The following DIP2C variants were observed in gnomAD, a reference collection of about 807,000 sequenced individuals.
DIP2C encodes disco-interacting protein 2 homolog C.
A neutral mutation model predicts 192.4 loss-of-function variants in DIP2C; 33 were observed. The ratio of observed to expected loss-of-function variants is 0.17; its 90% CI spans 0.13 to 0.23. The LOEUF (loss-of-function observed/expected upper bound fraction) is 0.23. DIP2C is among the 10% of genes least tolerant of loss of function. The pLI is 1.00. For missense variants in DIP2C, 1,537 were observed against 2,110.1 expected, an observed-to-expected ratio of 0.73 and a Z score of 5.32; for synonymous variants, 979 against 864.1, an observed-to-expected ratio of 1.13 and a Z score of -2.33.
chr10:542,518 G>A (rs72774553), intron 1 of DIP2C, among the ~76,000 whole-genome samples: 1,921 of 152,306 alleles, frequency 0.013, 34 homozygotes, highest in African/African-American at 0.038. Flanking sequence ...CACTACGGCC[G>A]ACAGCCCAGG....
chr10:392,735 C>T (rs1001810620), intron 10 of DIP2C, among the ~76,000 whole-genome samples: 5 of 94,092 alleles, frequency 5.3e-5, no homozygotes, highest in Non-Finnish European at 9.5e-5. Context: ...CAGGTACACA[C>T]GCGCACACAC....
intron 1 of DIP2C, among the ~76,000 whole-genome samples, chr10:569,490 GCTCAAA>G (rs2131514963): frequency 6.6e-6 from 1 of 152,258 alleles, no homozygotes; most frequent in East Asian, 1.9e-4. Context: ...AAATGAACTA[GCTCAAA>G]CTCAAACGCA....
At chr10:456,678 C>A (rs922408931) in intron 3 of DIP2C, among the ~76,000 whole-genome samples, 2 of 152,208 alleles carry the variant, frequency 1.3e-5, no homozygotes, top group African/African-American at 2.4e-5. Flanking sequence ...TTCCACCTGT[C>A]CACGGCCACC....
chr10:320,929 G>A (rs931572257), intron 31 of DIP2C, among the ~76,000 whole-genome samples: 9 of 152,220 alleles, frequency 5.9e-5, no homozygotes, highest in Non-Finnish European at 1.2e-4. Flanking sequence ...GACAGAGTTC[G>A]AGAAGGCCCC....
At chr10:359,296 T>G (rs1320684106) in intron 22 of DIP2C, among the ~76,000 whole-genome samples, 2 of 152,198 alleles carry the variant, frequency 1.3e-5, no homozygotes, top group Admixed American at 1.3e-4. Flanking sequence ...GGCCATCCTT[T>G]TCAAATGCAG....
intron 1 of DIP2C, among the ~76,000 whole-genome samples, chr10:673,016 A>C (rs936461793): frequency 6.6e-6 from 1 of 152,248 alleles, no homozygotes; most frequent in Non-Finnish European, 1.5e-5. Flanking sequence ...GTTCCCAGCT[A>C]AGGAAATGTG....
intron 29 of DIP2C, among the ~76,000 whole-genome samples, chr10:335,171 A>C (rs1158092586): frequency 6.6e-6 from 1 of 152,220 alleles, no homozygotes; most frequent in African/African-American, 2.4e-5. Flanking sequence ...ACAATCCTCT[A>C]TGACAGAAGA....
intron 10 of DIP2C, among the ~76,000 whole-genome samples, chr10:395,874 G>A (rs548109511): frequency 5.9e-5 from 9 of 152,262 alleles, no homozygotes; most frequent in South Asian, 4.2e-4. Context: ...ACCTCCCAGC[G>A]TGAGAAGTCC....
chr10:376,458 C>A (rs527835630), intron 17 of DIP2C, among the ~76,000 whole-genome samples: 1 of 152,074 alleles, frequency 6.6e-6, no homozygotes, highest in East Asian at 1.9e-4. Context: ...CATTCCGGTT[C>A]CAGACAAAAT....
chr10:680,344 A>G (rs1831086242), intron 1 of DIP2C, among the ~76,000 whole-genome samples: 1 of 152,234 alleles, frequency 6.6e-6, no homozygotes, highest in African/African-American at 2.4e-5. Flanking sequence ...GCACTGGGCC[A>G]AGCGAGAGAT....
chr10:384,322 T>A (rs1244752476), intron 15 of DIP2C, among the ~76,000 whole-genome samples, 176 bp from the exon 16 acceptor site: 3 of 114,896 alleles, frequency 2.6e-5, no homozygotes, highest in East Asian at 3.1e-4. Flanking sequence ...CACCGCAACC[T>A]CCTTCTCCTG....
intron 1 of DIP2C, among the ~76,000 whole-genome samples, chr10:648,701 C>T (rs949300935): frequency 2.6e-4 from 31 of 118,772 alleles, no homozygotes; most frequent in South Asian, 1.5e-3. Context: ...CCACATTGGA[C>T]GGTAGGAGAG....
chr10:423,084 C>T (rs1172547755), intron 4 of DIP2C, 51 bp from the exon 5 acceptor site: 2 of 1,503,140 alleles, frequency 1.3e-6, no homozygotes, highest in Non-Finnish European at 1.8e-6. Flanking sequence ...AAACGTGCAC[C>T]ACAATCTCAG....
chr10:556,473 C>T (rs1000586375), intron 1 of DIP2C, among the ~76,000 whole-genome samples: 3 of 148,780 alleles, frequency 2.0e-5, no homozygotes, highest in Non-Finnish European at 3.0e-5. Flanking sequence ...GGGATCCACA[C>T]GCCCTGGCAG....
chr10:559,909 A>C lies in DIP2C; in HGVS notation c.86-73379T>G, dbSNP rs377115209. Among the ~76,000 whole-genome samples, 37 of 152,288 alleles carry C rather than the reference A, an allele frequency of 2.4e-4. No individual in the cohort carries two copies. The East Asian group carries it at 6.8e-3, about 28-fold the overall frequency. ...TTCGTCTTTAACCTAAAACAGACAC[A>C]GGAATTCAGGGAGGTGTTCCTTCCC... On this transcript the variant is annotated intron_variant, in intron 1 of 36. Coordinates refer to ENST00000280886, the MANE Select transcript of DIP2C (RefSeq NM_014974.3).
At chr10:535,897 T>C (rs1287746698) in intron 1 of DIP2C, among the ~76,000 whole-genome samples, 2 of 152,246 alleles carry the variant, frequency 1.3e-5, no homozygotes, top group Non-Finnish European at 2.9e-5. Context: ...TACACATACT[T>C]ATATGTATGC....
chr10:364,180 A>C (rs1296942012), intron 20 of DIP2C, among the ~76,000 whole-genome samples, 194 bp downstream of exon 20: 1 of 152,200 alleles, frequency 6.6e-6, no homozygotes, highest in Non-Finnish European at 1.5e-5. Context: ...GAGCTCAGGG[A>C]ATTTCTATAA....
chr10:600,918 CTTGTT>C (rs1218417206), intron 1 of DIP2C, among the ~76,000 whole-genome samples: 15 of 151,616 alleles, frequency 9.9e-5, no homozygotes, highest in African/African-American at 3.7e-4. Flanking sequence ...TTTTCCAAAG[CTTGTT>C]ACAGAAACCA....
At chr10:567,607 C>CA (rs1849529491) in intron 1 of DIP2C, among the ~76,000 whole-genome samples, 1 of 152,210 alleles carries the variant, frequency 6.6e-6, no homozygotes, top group Non-Finnish European at 1.5e-5. Flanking sequence ...CCTCTGCTTA[C>CA]AAGCCGTGAG....
Sources: gnomAD v4.1 joint callset for allele counts (sites outside exome capture counted in the v4.1 genomes callset) on GRCh38, gnomAD v4.1.1 for gene constraint, MANE v1.5 for transcripts, NCBI Gene and HGNC (gene_info 2026-07-23, HGNC 2026-07-21) for gene names.